The following RUNX1T1 variants were observed in gnomAD, a reference collection of about 807,000 sequenced individuals.
RUNX1T1 encodes the protein RUNX1 partner transcriptional co-repressor 1, also known as protein CBFA2T1.
Under a neutral mutation model 62.8 loss-of-function variants are expected in RUNX1T1, and 4 were observed. The ratio of observed to expected loss-of-function variants is 0.06; its 90% CI spans 0.03 to 0.15. The LOEUF is 0.15. RUNX1T1 is among the 10% of genes least tolerant of loss of function. The pLI is 1.00. For missense variants in RUNX1T1, 508 were observed against 754.3 expected, an observed-to-expected ratio of 0.67 and a Z score of 3.82; for synonymous variants, 291 against 286.0, an observed-to-expected ratio of 1.02 and a Z score of -0.18.
chr8:92,066,709 TC>T (rs1832927327), upstream of RUNX1T1, among the ~76,000 whole-genome samples: 1 of 152,184 alleles, frequency 6.6e-6, no homozygotes. Flanking sequence ...TAATAGATTG[TC>T]CCCTGACAAA....
chr8:92,004,112 A>G (rs1287889590), intron 5 of RUNX1T1, among the ~76,000 whole-genome samples: 2 of 152,230 alleles, frequency 1.3e-5, no homozygotes, highest in Non-Finnish European at 2.9e-5. Context: ...GTCAGTCACA[A>G]ATAGATGTCT....
chr8:92,057,453 T>A (rs1357818169), intron 1 of RUNX1T1, among the ~76,000 whole-genome samples: 1 of 152,170 alleles, frequency 6.6e-6, no homozygotes, highest in Non-Finnish European at 1.5e-5. Context: ...ACAGAAACAA[T>A]TTGCAAAGCT....
At chr8:92,058,841 GTTTAC>G (rs971286250) in intron 1 of RUNX1T1, among the ~76,000 whole-genome samples, 23 of 152,132 alleles carry the variant, frequency 1.5e-4, no homozygotes, top group Non-Finnish European at 2.5e-4. Context: ...CTAAGCAAAT[GTTTAC>G]TTTAAGAAAT....
chr8:92,102,823 C>T, upstream of RUNX1T1: 1 of 1,495,690 alleles, frequency 6.7e-7, no homozygotes. This position sits in a 1 kb window ranked among gnomAD's most constrained non-coding sequence, Gnocchi z 4.5. Flanking sequence ...CCCCGCCGCC[C>T]GCCCGCCGGC....
At chr8:92,002,892 G>A (rs1023871837) in intron 5 of RUNX1T1, among the ~76,000 whole-genome samples, 2 of 152,104 alleles carry the variant, frequency 1.3e-5, no homozygotes, top group Non-Finnish European at 2.9e-5. Flanking sequence ...CAAACAAGAT[G>A]CAGAAAATAT....
At chr8:92,099,676 T>C in exon 1 of RUNX1T1, 1 of 985,000 alleles carries the variant, frequency 1.0e-6, no homozygotes, top group Non-Finnish European at 1.2e-6. Flanking sequence ...TGAAGGGCTA[T>C]GTTGCCTGCA....
At chr8:91,983,782 A>G (rs1280576019) in intron 8 of RUNX1T1, among the ~76,000 whole-genome samples, 2 of 152,222 alleles carry the variant, frequency 1.3e-5, no homozygotes, top group African/African-American at 4.8e-5. Context: ...CTTAATGTAA[A>G]TGATTGTGGC....
intron 8 of RUNX1T1, among the ~76,000 whole-genome samples, chr8:91,983,094 AT>A (rs955471383): frequency 1.1e-3 from 163 of 142,058 alleles, no homozygotes; most frequent in African/African-American, 1.1e-3. Flanking sequence ...TGCCTGGCTA[AT>A]TTTTTTTTTT....
chr8:92,065,195 T>G (rs566465806), upstream of RUNX1T1, among the ~76,000 whole-genome samples: 1 of 151,978 alleles, frequency 6.6e-6, no homozygotes, highest in Non-Finnish European at 1.5e-5. Flanking sequence ...AATAAATAAA[T>G]AAAAGGAGGA....
At chr8:92,014,720 C>T (rs772274445) in exon 3 of RUNX1T1, 1 of 1,613,952 alleles carries the variant, frequency 6.2e-7, no homozygotes, top group Non-Finnish European at 8.5e-7. Flanking sequence ...GTTGATTAGC[C>T]AGAGAGGAGG....
intron 1 of RUNX1T1, among the ~76,000 whole-genome samples, chr8:92,060,178 G>C (rs1831679596): frequency 6.6e-6 from 1 of 152,008 alleles, no homozygotes; most frequent in African/African-American, 2.4e-5. Flanking sequence ...TTACAAAAGT[G>C]ACAGGTAGTA....
chr8:92,014,728 A>T lies in RUNX1T1; in HGVS notation c.238T>A (p.Ser80Thr). The change falls in exon 3 of 11, where the codon TCC (serine) becomes ACC (threonine). Residue 80 changes from serine (S) to threonine (T), a missense_variant. By Grantham distance (58) the Ser-to-Thr change is moderately conservative (BLOSUM62 1). This residue lies in a region of RUNX1T1 where 36 missense variants were observed against 96.6 expected (regional missense o/e 0.37). Coordinates refer to ENST00000396218, the Ensembl canonical transcript of RUNX1T1. ...GGCAGCTGTTGATTAGCCAGAGAGG[A>T]GGAGGAAGAAGAGGAAGGCCCATTG... is the stretch of plus-strand genomic sequence containing the variant. 2 of 1,614,036 alleles carry T rather than the reference A, an allele frequency of 1.2e-6. No homozygotes were observed. Among genetic ancestry groups the T allele is most frequent in the Non-Finnish European group, 1.7e-6 (2 of 1,180,004 alleles).
chr8:91,996,428 C>A (rs1484961579), intron 5 of RUNX1T1, among the ~76,000 whole-genome samples: 3 of 152,154 alleles, frequency 2.0e-5, no homozygotes, highest in Non-Finnish European at 4.4e-5. Flanking sequence ...GTCTCGATAT[C>A]CTGACCTCGC....
Position 92,017,381 on chromosome 8 carries a change from G to A in RUNX1T1, c.8-18C>T, listed in dbSNP as rs1329613563. 1.2e-6 allele frequency: 2 copies of A among 1,613,882 alleles called. No individual in the cohort carries two copies. Among genetic ancestry groups the A allele is most frequent in the Admixed American group, 3.3e-5 (2 of 59,990 alleles). On this transcript the variant is annotated intron_variant, in intron 1 of 10. Transcript: ENST00000396218. The stretch of plus-strand genomic sequence containing the variant: ...AGTACGATCTGGAGGATGCCACCAG[G>A]AACATATTATTTTACTCCTTAAGCA...
intron 1 of RUNX1T1, among the ~76,000 whole-genome samples, chr8:92,027,149 C>CA (rs1825379522): frequency 6.8e-6 from 1 of 147,052 alleles, no homozygotes; most frequent in East Asian, 2.0e-4. Context: ...AACAAACAAA[C>CA]AAAAAAAGCA....
At chr8:92,096,035 G>A (rs1007826410) in intron 1 of RUNX1T1, among the ~76,000 whole-genome samples, 6 of 152,168 alleles carry the variant, frequency 3.9e-5, no homozygotes, top group African/African-American at 9.7e-5. Flanking sequence ...ACCTCAAGTC[G>A]GAGTTCTTGT....
chr8:92,003,740 T>G (rs1820200094), intron 5 of RUNX1T1, among the ~76,000 whole-genome samples: 1 of 152,222 alleles, frequency 6.6e-6, no homozygotes, highest in Non-Finnish European at 1.5e-5. Flanking sequence ...TTCAGCATCA[T>G]GTGGACATGC....
chr8:92,083,059 TA>T (rs1835528296), intron 1 of RUNX1T1, among the ~76,000 whole-genome samples: 1 of 152,192 alleles, frequency 6.6e-6, no homozygotes, highest in Non-Finnish European at 1.5e-5. Context: ...TCCATATACA[TA>T]AAATTTTGCT....
At chr8:92,042,700 G>A (rs1402376536) in intron 1 of RUNX1T1, among the ~76,000 whole-genome samples, 2 of 152,158 alleles carry the variant, frequency 1.3e-5, no homozygotes, top group African/African-American at 2.4e-5. Flanking sequence ...TTAAATGAGA[G>A]AATATGGATG....
Sources: gnomAD v4.1 joint callset for allele counts (sites outside exome capture counted in the v4.1 genomes callset) on GRCh38, gnomAD v4.1.1 for gene constraint, gnomAD v4.1.1 regional missense constraint, Gnocchi (gnomAD v3.1) non-coding constraint, MANE v1.5 for transcripts, NCBI Gene and HGNC (gene_info 2026-07-23, HGNC 2026-07-21) for gene names.